ANKS1B: variants seen among roughly 807,000 people sequenced by gnomAD.
ANKS1B encodes the protein ankyrin repeat and sterile alpha motif domain-containing protein 1B.
ANKS1B carries 36 observed loss-of-function variants against 148.3 expected under a neutral mutation model. That is an observed-to-expected ratio of 0.24 (90% confidence interval 0.19 to 0.32). The LOEUF is 0.32. ANKS1B is among the 10% of genes least tolerant of loss of function. The probability of loss-of-function intolerance (pLI) is 1.00; values close to 1 mark genes in which losing one functional copy is unlikely to be tolerated. For missense variants in ANKS1B, 1,157 were observed against 1,542.6 expected (o/e 0.75, Z 4.19); for synonymous variants, 542 against 560.8 (o/e 0.97, Z 0.47).
chr12:99,591,472 T>A (rs1446335684), intron 9 of ANKS1B, among the ~76,000 whole-genome samples: 1 of 152,052 alleles, frequency 6.6e-6, no homozygotes, highest in Non-Finnish European at 1.5e-5. Flanking sequence ...TAAAATATAT[T>A]TGTGGTGAAG....
chr12:99,382,716 AAAGAG>A (rs1159528552), intron 12 of ANKS1B, among the ~76,000 whole-genome samples: 1 of 96,784 alleles, frequency 1.0e-5, no homozygotes, highest in Non-Finnish European at 2.0e-5. Flanking sequence ...AAAAAAAAAA[AAAGAG>A]AGAGAGAGAG....
At chr12:99,375,923 A>C (rs1046701954) in intron 12 of ANKS1B, among the ~76,000 whole-genome samples, 12 of 152,240 alleles carry the variant, frequency 7.9e-5, no homozygotes, top group African/African-American at 2.9e-4. Flanking sequence ...TTAGCAGTGA[A>C]AGATACTAAG....
intron 12 of ANKS1B, among the ~76,000 whole-genome samples, chr12:99,349,863 A>G (rs2091197085): frequency 6.6e-6 from 1 of 152,084 alleles, no homozygotes; most frequent in South Asian, 2.1e-4. Flanking sequence ...CTCTGGAGCT[A>G]GATATGGATG....
chr12:99,156,703 G>A (rs1430249253), intron 14 of ANKS1B, among the ~76,000 whole-genome samples: 1 of 152,052 alleles, frequency 6.6e-6, no homozygotes, highest in East Asian at 1.9e-4. Context: ...TCTCTACCAC[G>A]AATAAATCTC....
chr12:99,539,380 T>A (rs954880094), intron 9 of ANKS1B, among the ~76,000 whole-genome samples: 8 of 152,134 alleles, frequency 5.3e-5, no homozygotes, highest in African/African-American at 1.9e-4. Context: ...TGGGGCAAAG[T>A]TTTTTTGTAT....
intron 1 of ANKS1B, among the ~76,000 whole-genome samples, chr12:99,914,788 C>T (rs934709701): frequency 1.3e-5 from 2 of 152,168 alleles, no homozygotes; most frequent in East Asian, 3.9e-4. Context: ...GCAGAATCCA[C>T]CCTCATCCCT....
chr12:99,922,348 G>A (rs1203012859), intron 1 of ANKS1B, among the ~76,000 whole-genome samples: 2 of 151,930 alleles, frequency 1.3e-5, no homozygotes, highest in African/African-American at 4.8e-5. Context: ...AAGAGCCAAA[G>A]GATACATATT....
intron 17 of ANKS1B, among the ~76,000 whole-genome samples, chr12:98,922,367 G>T (rs1017259713): frequency 2.0e-5 from 3 of 152,108 alleles, no homozygotes; most frequent in South Asian, 4.1e-4. Flanking sequence ...CTCATTGTAG[G>T]CTTTCCTTTG....
At chr12:98,800,657 G>A (rs963107582) in intron 21 of ANKS1B, among the ~76,000 whole-genome samples, 2 of 84,638 alleles carry the variant, frequency 2.4e-5, no homozygotes, top group African/African-American at 4.4e-5. Flanking sequence ...GAGACCCAGT[G>A]TTTGGTGAGT....
At chr12:99,752,100 C>T (rs1328924957) in intron 8 of ANKS1B, among the ~76,000 whole-genome samples, 2 of 151,992 alleles carry the variant, frequency 1.3e-5, no homozygotes, top group East Asian at 3.9e-4. Flanking sequence ...TTCCCTATTC[C>T]ATAATCAGAT....
chr12:99,458,523 C>A (rs2095885329), intron 10 of ANKS1B, among the ~76,000 whole-genome samples: 1 of 149,652 alleles, frequency 6.7e-6, no homozygotes, highest in Admixed American at 6.7e-5. Context: ...GCGAGACTAA[C>A]TAAGAAAAGA....
intron 17 of ANKS1B, among the ~76,000 whole-genome samples, chr12:98,869,682 T>TGCACATACACACGTACACAC (rs71081887): frequency 6.6e-6 from 1 of 151,636 alleles, no homozygotes; most frequent in African/African-American, 2.4e-5. Context: ...GTGGAATGCA[T>TGCACATACACACGTACACAC]ACATATGTAT....
chr12:99,388,332 T>A (rs536669753), intron 12 of ANKS1B, among the ~76,000 whole-genome samples: 1 of 152,234 alleles, frequency 6.6e-6, no homozygotes, highest in South Asian at 2.1e-4. Context: ...AAAGTAAAAA[T>A]TGGTATTTTG....
rs1428361393 is a variant in ANKS1B at position 99,246,320 on chromosome 12, T to A, written c.2301A>T (p.Lys767Asn). The change falls in exon 13 of 27, where the codon AAA becomes AAT. Residue 767 changes from lysine (K) to asparagine (N), a missense_variant. Transcript: ENST00000683438. ...AGGATGGTGTTCTTTCAGAATTCCC[T>A]TTAGAACTGTGTTCAGCAGTGGAAG... ...SESSTAEHSS[K>N]GNSERTPSFT... 6.2e-7 allele frequency: 1 copy of A among 1,609,132 alleles called. No individual in the cohort carries two copies. The highest frequency in any genetic ancestry group is 8.5e-7 in the Non-Finnish European group (1 of 1,177,934).
rs185472864 is a variant in ANKS1B at position 98,764,471 on chromosome 12, G to A, written c.3579+8571C>T. Among the ~76,000 whole-genome samples the A allele has an allele frequency of 4.0e-3, 606 of 151,932 alleles. 2 individuals are homozygous for A. The highest frequency in any genetic ancestry group is 0.014 in the African/African-American group (583 of 41,430). ...ACAAACTCCCAACCTCAAGTGATCC[G>A]CCCGCCTCAGCCTCCTAAAGTGCTG... On this transcript the variant is annotated intron_variant, in intron 25 of 26. Transcript: ENST00000683438.
intron 15 of ANKS1B, among the ~76,000 whole-genome samples, chr12:99,122,420 C>A (rs929951632): frequency 7.9e-5 from 12 of 152,154 alleles, no homozygotes; most frequent in African/African-American, 2.9e-4. Context: ...CTGGTTTTTA[C>A]ATGAATCTTC....
At chr12:99,139,028 G>T (rs1296120656) in intron 15 of ANKS1B, among the ~76,000 whole-genome samples, 1 of 133,192 alleles carries the variant, frequency 7.5e-6, no homozygotes, top group Non-Finnish European at 1.6e-5. Context: ...CTGAAACAGA[G>T]TTTCACTCAG....
At chr12:99,874,208 C>G (rs1278527020) in intron 1 of ANKS1B, among the ~76,000 whole-genome samples, 3 of 151,954 alleles carry the variant, frequency 2.0e-5, no homozygotes, top group Admixed American at 6.6e-5. Flanking sequence ...TGCAATCAGA[C>G]CAATGCAATT....
intron 6 of ANKS1B, among the ~76,000 whole-genome samples, chr12:99,778,160 A>G (rs1192536992): frequency 6.6e-6 from 1 of 151,692 alleles, no homozygotes; most frequent in Non-Finnish European, 1.5e-5. Flanking sequence ...AGAGGGCGCC[A>G]CTGCACTCCA....
Sources: gnomAD v4.1 joint callset for allele counts (sites outside exome capture counted in the v4.1 genomes callset) on GRCh38, gnomAD v4.1.1 for gene constraint, MANE v1.5 for transcripts, NCBI Gene and HGNC (gene_info 2026-07-23, HGNC 2026-07-21) for gene names.